The following CCHCR1 variants were observed in gnomAD, a reference collection of about 807,000 sequenced individuals.
CCHCR1 encodes the protein coiled-coil alpha-helical rod protein 1.
In CCHCR1, 91 loss-of-function variants were observed where a neutral mutation model predicts 114.6. That is an observed-to-expected ratio of 0.79 (90% CI 0.67 to 0.94). The LOEUF is 0.94. Among genes scored for constraint, CCHCR1 ranks in the 40% least tolerant of loss-of-function variants. The probability of loss-of-function intolerance (pLI) is 0.00; values close to 1 mark genes in which losing one functional copy is unlikely to be tolerated. For synonymous variants in CCHCR1, 379 were observed against 428.5 expected (o/e 0.88, Z 1.43); for missense variants, 899 against 1,079.9 (o/e 0.83, Z 2.35).
intron 10 of CCHCR1, among the ~76,000 whole-genome samples, chr6:31,146,650 T>C (rs1774377966): frequency 6.6e-6 from 1 of 152,200 alleles, no homozygotes; most frequent in Non-Finnish European, 1.5e-5. Context: ...TTCCAGTAGA[T>C]GCTTCCAACA....
upstream of CCHCR1, chr6:31,157,872 C>T: frequency 1.9e-6 from 1 of 522,216 alleles, no homozygotes; most frequent in South Asian, 2.4e-5. Flanking sequence ...TCCCTTTTTA[C>T]AACCTAATCT....
At chr6:31,156,634 T>C (rs1450662849) in intron 3 of CCHCR1, 97 bp downstream of exon 3, 1 of 1,018,364 alleles carries the variant, frequency 9.8e-7, no homozygotes, top group Non-Finnish European at 1.5e-6. Flanking sequence ...ATGAGTACGT[T>C]CTGGAAACTA....
In CCHCR1 at chr6:31,145,292, G is replaced by C. The variant is rs141323493; in HGVS notation, c.1750C>G (p.Pro584Ala). Residue 584 changes from proline (P) to alanine (A), a missense_variant, in exon 13 of 18, where the codon CCA (proline) becomes GCA (alanine). Physicochemically the swap from Pro to Ala is conservative, Grantham distance 27. Transcript: ENST00000396268. ...AGGCTCACGTCTGTGACCGGTGGTG[G>C]TAGGGGACAGCTGGGACGGGGAAGA... ...AQLRQESCPL[P>A]PPVTDVSLEL... 6.2e-7 allele frequency: 1 copy of C among 1,614,000 alleles called. No individual in the cohort carries two copies. The highest frequency in any genetic ancestry group is 8.5e-7 in the Non-Finnish European group (1 of 1,179,940).
At position 31,142,609 on chromosome 6, in the gene CCHCR1, GA is replaced by G; in HGVS notation, c.2598del (p.Gln868ArgfsTer2). 3.7e-6 allele frequency: 6 copies of G among 1,613,122 alleles called. No homozygotes were observed. Among genetic ancestry groups the G allele is most frequent in the Non-Finnish European group, 5.1e-6 (6 of 1,179,672 alleles). Reference sequence around the variant, plus strand: ...TCAGCTGCTTAGCTGCTCATCTGGGGATTGGAGCTGGAGCATCTGTCAAGGT... The same window carrying G: ...TCAGCTGCTTAGCTGCTCATCTGGGGTTGGAGCTGGAGCATCTGTCAAGGT... ...GDNLDRCSSS[N>X]PQMSS is the part of the protein sequence containing the mutation. On this transcript the variant is annotated frameshift_variant, in exon 18 of 18. Transcript: ENST00000396268. LOFTEE classifies it low-confidence loss of function (END_TRUNC).
chr6:31,157,937 G>A (rs1236897427), upstream of CCHCR1: 1 of 360,384 alleles, frequency 2.8e-6, no homozygotes, highest in Non-Finnish European at 5.2e-6. Context: ...TCTCTCAATA[G>A]CCTGCCCTCG....
chr6:31,151,108 T>A lies in CCHCR1; in HGVS notation c.816A>T (p.Thr272=). 6.2e-7 allele frequency: 1 copy of A among 1,612,838 alleles called. No individual in the cohort carries two copies. Residue 272 remains threonine, a synonymous_variant, in exon 5 of 18, where the codon ACA becomes ACT. Coordinates refer to ENST00000396268, the MANE Select transcript of CCHCR1 (RefSeq NM_001105564.2). This position sits in a 1 kb window ranked among gnomAD's most constrained non-coding sequence, Gnocchi z 4.1. ...RLHQEQLSSL[T]QAHEEALSSL... Reference sequence around the variant, plus strand: ...TGGAAAGAGCCTCCTCGTGAGCCTGTGTCAAAGAGGACAGCTGCGGAAAGA... The same window carrying A: ...TGGAAAGAGCCTCCTCGTGAGCCTGAGTCAAAGAGGACAGCTGCGGAAAGA...
chr6:31,156,598 T>C, intron 3 of CCHCR1, 133 bp downstream of exon 3: 1 of 695,314 alleles, frequency 1.4e-6, no homozygotes, highest in Non-Finnish European at 2.5e-6. Context: ...ATTTATGCAC[T>C]GTAGGAACTA....
chr6:31,158,048 T>C (rs139923704), upstream of CCHCR1: 808 of 189,328 alleles, frequency 4.3e-3, 10 homozygotes, highest in Middle Eastern at 0.03. Flanking sequence ...TTCTGATCTC[T>C]TCATCTGTCC....
chr6:31,142,540 C>T lies in CCHCR1; in HGVS notation c.*52G>A, dbSNP rs1040089811. On this transcript the variant is annotated 3_prime_UTR_variant, in exon 18 of 18. Transcript: ENST00000396268. ...AGGGCTGGTCTGTCCCCACCCACTTCTCCAGGATCCTCCCAGCCCCCAGGC... is the reference window on the plus strand; with the variant it reads ...AGGGCTGGTCTGTCCCCACCCACTTTTCCAGGATCCTCCCAGCCCCCAGGC... 11 of 1,582,736 alleles carry T rather than the reference C, an allele frequency of 6.9e-6. No homozygotes were observed. In the African/African-American group the frequency reaches 1.2e-4, roughly 17 times the overall value.
In CCHCR1 at chr6:31,151,684, G is replaced by A. The variant is rs114897682; in HGVS notation, c.802-562C>T. ...CTACTCTGCCCCATCAGCTGTTCAC[G>A]TCCTCCTGAGCACTTAGCACTGACC... On this transcript the variant is annotated intron_variant, in intron 4 of 17. Coordinates refer to ENST00000396268, the MANE Select transcript of CCHCR1 (RefSeq NM_001105564.2). The surrounding 1 kb of genome is among the most constrained non-coding windows in gnomAD (Gnocchi z 4.1). 0.012 allele frequency among the ~76,000 whole-genome samples: 1,818 copies of A among 152,242 alleles called. 24 individuals carry two copies. The highest frequency in any genetic ancestry group is 0.038 in the African/African-American group (1,578 of 41,528).
chr6:31,142,703 G>T lies in CCHCR1; in HGVS notation c.2505C>A (p.Val835=). ...TCAGGTCCTGCAGGTCATCGAGCAG[G>T]ACAGAGAGGGACCCTGGGAAGGAAG... ...TRESIKGSLS[V]LLDDLQDLSE... Residue 835 remains valine, a synonymous_variant, in exon 18 of 18, where the codon GTC becomes GTA. Transcript: ENST00000396268. The T allele has an allele frequency of 1.2e-6, 2 of 1,609,454 alleles. No individual in the cohort carries two copies. The highest frequency in any genetic ancestry group is 1.7e-6 in the Non-Finnish European group (2 of 1,178,128).
rs1053298941 is a variant in CCHCR1 at position 31,142,451 on chromosome 6, C to T, written c.*141G>A. 1.5e-5 allele frequency: 10 copies of T among 660,546 alleles called. No individual in the cohort carries two copies. Among genetic ancestry groups the T allele is most frequent in the Non-Finnish European group, 2.1e-5 (8 of 389,642 alleles). The allele number at this position is 660,546 out of a possible 1,614,324, so 40.9% of individuals were successfully genotyped here. On this transcript the variant is annotated 3_prime_UTR_variant, in exon 18 of 18. Transcript: ENST00000396268. ...TCCAAACAATGGCTCCTTCTGTAGTCGTCTTTATTTAGAGCAGAATTCAGA... is the reference window on the plus strand; with the variant it reads ...TCCAAACAATGGCTCCTTCTGTAGTTGTCTTTATTTAGAGCAGAATTCAGA...
chr6:31,156,852 G>A lies in CCHCR1; in HGVS notation c.376C>T (p.Leu126=). 1 of 1,612,988 alleles carries A rather than the reference G, an allele frequency of 6.2e-7. No homozygotes were observed. The highest frequency in any genetic ancestry group is 1.1e-5 in the South Asian group (1 of 91,084). ...TCTTGATGGCCTGGGGGTTGGACCAGGGGAATGTCTGAGAGCCAGGTGGGA... is the reference window on the plus strand; with the variant it reads ...TCTTGATGGCCTGGGGGTTGGACCAAGGGAATGTCTGAGAGCCAGGTGGGA... ...MAPTWLSDIP[L]VQPPGHQDVS... is the part of the protein sequence containing the mutation. Residue 126 remains leucine, a synonymous_variant, in exon 3 of 18, where the codon CTG becomes TTG. Transcript: ENST00000396268.
At position 31,145,827 on chromosome 6, in the gene CCHCR1, ACTGATCCTCCATGCCTCCC is replaced by A. The variant is rs1262356699; in HGVS notation, c.1581-38_1581-20del. On this transcript the variant is annotated intron_variant, in intron 10 of 17. Transcript: ENST00000396268. ...CTGAGAGCTGGAGAGGGCACAAGTCACTGATCCTCCATGCCTCCCCTCATTCCCAAAGGACTTGCTGTGC... is the reference window on the plus strand; with the variant it reads ...CTGAGAGCTGGAGAGGGCACAAGTCACTCATTCCCAAAGGACTTGCTGTGC... 4 of 1,490,052 alleles carry A rather than the reference ACTGATCCTCCATGCCTCCC, an allele frequency of 2.7e-6. No individual in the cohort carries two copies. The African/African-American group carries it at 5.5e-5, about 21-fold the overall frequency. The allele number at this position is 1,490,052 out of a possible 1,614,324, so 92.3% of individuals were successfully genotyped here.
intron 8 of CCHCR1, among the ~76,000 whole-genome samples, 195 bp downstream of exon 8, chr6:31,149,871 T>G (rs994149853): frequency 1.3e-5 from 2 of 152,210 alleles, no homozygotes; most frequent in African/African-American, 2.4e-5. Context: ...GCACATATAA[T>G]TACCCAACAT....
rs756404583 is a variant in CCHCR1, at chr6:31,145,737, T to C, written c.1652A>G (p.Asn551Ser). Residue 551 changes from asparagine (N) to serine (S), a missense_variant, in exon 11 of 18, where the codon AAC becomes AGC. By Grantham distance (46) the Asn-to-Ser change is conservative (BLOSUM62 1). Coordinates refer to ENST00000396268, the MANE Select transcript of CCHCR1 (RefSeq NM_001105564.2). ...CTTGCGGACAGCATAGCTGAGTCGG[T>C]TGTTGAGGCTGGGAAGCTGGGCGGC... ...GAAAQLPSLN[N>S]RLSYAVRKVH... 5 of 1,613,372 alleles carry C rather than the reference T, an allele frequency of 3.1e-6. No homozygotes were observed. The East Asian group carries it at 8.9e-5, about 29-fold the overall frequency.
At chr6:31,147,413 A>T (rs199962679) in intron 10 of CCHCR1, among the ~76,000 whole-genome samples, 1,050 of 98,022 alleles carry the variant, frequency 0.011, 39 homozygotes, top group East Asian at 0.11. Context: ...AAAAAAAAAA[A>T]AAAAAAAAAG....
chr6:31,152,662 A>G (rs1480863498), intron 4 of CCHCR1, among the ~76,000 whole-genome samples: 1 of 151,946 alleles, frequency 6.6e-6, no homozygotes, highest in East Asian at 1.9e-4. Context: ...TAAAATAGAG[A>G]TGGGGGTCTC....
intron 8 of CCHCR1, 129 bp from the exon 9 acceptor site, chr6:31,148,857 G>GGGGGGGCCCCC: frequency 1.2e-5 from 1 of 84,500 alleles, no homozygotes; most frequent in African/African-American, 4.5e-5. Flanking sequence ...GGGGGGGCGG[G>GGGGGGGCCCCC]CGACGGGGGT....
Sources: allele counts gnomAD v4.1 joint callset (sites outside exome capture counted in the v4.1 genomes callset), GRCh38; gene constraint gnomAD v4.1.1; non-coding constraint Gnocchi (gnomAD v3.1); transcripts MANE v1.5; gene names NCBI Gene and HGNC (gene_info 2026-07-23, HGNC 2026-07-21).